The following ASIC2 variants were observed in gnomAD, a reference collection of about 807,000 sequenced individuals.
ASIC2 encodes the protein acid sensing ion channel subunit 2, also known as acid-sensing ion channel 2.
ASIC2 carries 25 observed loss-of-function variants against 57.3 expected under a neutral mutation model. The ratio of observed to expected loss-of-function variants is 0.44; its 90% CI spans 0.32 to 0.61. ASIC2 has a LOEUF of 0.61. ASIC2 is among the 20% of genes least tolerant of loss of function. The pLI is 0.06. For synonymous variants in ASIC2, 319 were observed against 307.5 expected, an observed-to-expected ratio of 1.04 and a Z score of -0.39; for missense variants, 641 against 738.1, an observed-to-expected ratio of 0.87 and a Z score of 1.52.
intron 1 of ASIC2, among the ~76,000 whole-genome samples, chr17:33,738,646 A>C (rs1464948449): frequency 6.6e-6 from 1 of 151,958 alleles, no homozygotes; most frequent in Non-Finnish European, 1.5e-5. Flanking sequence ...TACTATCCCC[A>C]CATCTACCAA....
intron 3 of ASIC2, among the ~76,000 whole-genome samples, chr17:33,040,479 T>TCC (rs2091925572): frequency 6.6e-6 from 1 of 152,226 alleles, no homozygotes; most frequent in African/African-American, 2.4e-5. Context: ...CCAGATAGTT[T>TCC]CTAAGCTCCA....
chr17:34,134,061 T>C (rs1220467680), intron 1 of ASIC2, among the ~76,000 whole-genome samples: 1 of 152,220 alleles, frequency 6.6e-6, no homozygotes, highest in East Asian at 1.9e-4. Flanking sequence ...AGCTGATGAG[T>C]GCTACAGTCA....
intron 1 of ASIC2, among the ~76,000 whole-genome samples, chr17:34,110,661 G>T (rs1425706629): frequency 6.6e-6 from 1 of 152,130 alleles, no homozygotes; most frequent in Non-Finnish European, 1.5e-5. Context: ...AAAAATCATC[G>T]GTTAGGAAGG....
At chr17:33,678,435 C>CCAGACACACACACACACA (rs1907894687) in intron 1 of ASIC2, among the ~76,000 whole-genome samples, 1 of 139,508 alleles carries the variant, frequency 7.2e-6, no homozygotes. Flanking sequence ...CTGGTTCAAT[C>CCAGACACACACACACACA]CACACACACA....
At chr17:33,662,131 T>A (rs963012861) in intron 1 of ASIC2, among the ~76,000 whole-genome samples, 4 of 152,210 alleles carry the variant, frequency 2.6e-5, no homozygotes, top group Non-Finnish European at 5.9e-5. Context: ...AAATCATTAT[T>A]ACTCTCATCT....
chr17:33,764,891 C>T (rs1265393625), intron 1 of ASIC2, among the ~76,000 whole-genome samples: 1 of 152,108 alleles, frequency 6.6e-6, no homozygotes, highest in Non-Finnish European at 1.5e-5. Context: ...TTCCTCTTTC[C>T]ATCTTCCTGA....
At chr17:33,244,539 G>A (rs543891221) in intron 1 of ASIC2, among the ~76,000 whole-genome samples, 4 of 152,270 alleles carry the variant, frequency 2.6e-5, no homozygotes, top group African/African-American at 9.6e-5. Context: ...AAATGTTTAC[G>A]CAGACACAAA....
intron 1 of ASIC2, among the ~76,000 whole-genome samples, chr17:33,699,194 T>C (rs1392489673): frequency 1.3e-5 from 2 of 152,178 alleles, no homozygotes; most frequent in Non-Finnish European, 2.9e-5. Flanking sequence ...CCATGAGTCA[T>C]GTGGAGAAGA....
intron 1 of ASIC2, among the ~76,000 whole-genome samples, chr17:33,158,081 C>T (rs1905058943): frequency 6.6e-6 from 1 of 152,208 alleles, no homozygotes; most frequent in African/African-American, 2.4e-5. Context: ...AATGAACCCA[C>T]CAGCACACCC....
intron 1 of ASIC2, among the ~76,000 whole-genome samples, chr17:33,969,601 G>A (rs750511839): frequency 8.5e-5 from 13 of 152,190 alleles, no homozygotes; most frequent in African/African-American, 2.2e-4. Context: ...TTGAGGCTCC[G>A]TCCCACTGGG....
chr17:33,584,698 G>T, intron 1 of ASIC2, among the ~76,000 whole-genome samples: 1 of 137,016 alleles, frequency 7.3e-6, no homozygotes, highest in East Asian at 2.0e-4. Flanking sequence ...TCTTGGGGTG[G>T]GGTTTGATGG....
intron 1 of ASIC2, among the ~76,000 whole-genome samples, chr17:33,699,768 T>A (rs1293435467): frequency 6.6e-6 from 1 of 152,200 alleles, no homozygotes; most frequent in African/African-American, 2.4e-5. Flanking sequence ...TAGGTGTGAA[T>A]ACAATTTTGT....
chr17:33,209,020 T>C (rs1907172481), intron 1 of ASIC2, among the ~76,000 whole-genome samples: 1 of 152,160 alleles, frequency 6.6e-6, no homozygotes, highest in Non-Finnish European at 1.5e-5. Context: ...TGGTGTGTAT[T>C]TATTTGGATC....
intron 1 of ASIC2, among the ~76,000 whole-genome samples, chr17:33,706,494 G>C (rs1908868142): frequency 6.6e-6 from 1 of 151,904 alleles, no homozygotes; most frequent in Admixed American, 6.6e-5. Context: ...AAAGTGCTGG[G>C]ATTACAAGTA....
At chr17:33,104,812 G>A (rs1370224741) in intron 2 of ASIC2, among the ~76,000 whole-genome samples, 1 of 152,134 alleles carries the variant, frequency 6.6e-6, no homozygotes, top group African/African-American at 2.4e-5. Context: ...TTTTGGGTGT[G>A]GATGTGGGTT....
chr17:34,127,225 T>C (rs77449858), intron 1 of ASIC2, among the ~76,000 whole-genome samples: 3,346 of 152,270 alleles, frequency 0.022, 38 homozygotes, highest in South Asian at 0.052. Flanking sequence ...TCGGGGCTTT[T>C]CAAACTAGAA....
chr17:33,634,302 G>A (rs942893620), intron 1 of ASIC2, among the ~76,000 whole-genome samples: 6 of 151,926 alleles, frequency 3.9e-5, no homozygotes, highest in African/African-American at 1.4e-4. Flanking sequence ...GGTCTAACTA[G>A]TTTCTGATCC....
chr17:33,466,313 A>G (rs570644144), intron 1 of ASIC2, among the ~76,000 whole-genome samples: 29 of 152,318 alleles, frequency 1.9e-4, no homozygotes, highest in African/African-American at 6.7e-4. Context: ...AAGGAGAACT[A>G]CAAACCACTG....
rs796583537 is a variant in ASIC2 at position 34,095,670 on chromosome 17, TAGAG to T, written c.555+60304_555+60307del. On this transcript the variant is annotated intron_variant, in intron 1 of 9. Transcript: ENST00000359872. ...ATATATATATAATTTTATATATATA[TAGAG>T]AGAGAGATATATATAATTTTATATA... 4.5e-3 allele frequency among the ~76,000 whole-genome samples: 418 copies of T among 92,778 alleles called. 4 individuals carry two copies. Among genetic ancestry groups the T allele is most frequent in the East Asian group, 0.016 (62 of 3,998 alleles). The allele number at this position is 92,778 out of a possible 152,430, so 60.9% of individuals were successfully genotyped here.
Sources: gnomAD v4.1 joint callset for allele counts (sites outside exome capture counted in the v4.1 genomes callset) on GRCh38, gnomAD v4.1.1 for gene constraint, MANE v1.5 for transcripts, NCBI Gene and HGNC (gene_info 2026-07-23, HGNC 2026-07-21) for gene names.